HEATR5B: variants seen among roughly 807,000 people sequenced by gnomAD.
HEATR5B encodes HEAT repeat-containing protein 5B.
Under a neutral mutation model 224.1 loss-of-function variants are expected in HEATR5B, and 156 were observed. The observed-to-expected ratio is 0.70, with a 90% confidence interval of 0.61 to 0.80. The LOEUF (loss-of-function observed/expected upper bound fraction) is 0.80, where lower values mean the gene tolerates loss of function less well. Ranked by LOEUF, HEATR5B falls within the 30% of genes least tolerant of loss-of-function variation. The pLI is 0.00. For missense variants in HEATR5B, 2,323 were observed against 2,535.5 expected (o/e 0.92, Z 1.80); for synonymous variants, 1,027 against 893.0 (o/e 1.15, Z -2.68).
In HEATR5B at chr2:37,005,746, CTG is replaced by C; in HGVS notation, c.4789_4790del (p.Gln1597ValfsTer6). The C allele has an allele frequency of 1.3e-6, 2 of 1,591,592 alleles. No individual in the cohort carries two copies. The highest frequency in any genetic ancestry group is 1.7e-6 in the Non-Finnish European group (2 of 1,173,244). ...RMHLILGVSI[Q>X]FLCSPRPEEP... Reference sequence around the variant, plus strand: ...CCTCAGGTCTAGGGGAACAAAGAAACTGTATACTCACACCTGAAATGCACAAA... The same window carrying C: ...CCTCAGGTCTAGGGGAACAAAGAAACTATACTCACACCTGAAATGCACAAA... On this transcript the variant is annotated frameshift_variant, in exon 30 of 36. Coordinates refer to ENST00000233099, the MANE Select transcript of HEATR5B (RefSeq NM_019024.3). LOFTEE classifies it high-confidence loss of function.
In HEATR5B at chr2:37,077,391, C is replaced by G. The variant is rs552849051; in HGVS notation, c.339-372G>C. On this transcript the variant is annotated intron_variant, in intron 3 of 35. Transcript: ENST00000233099. The stretch of plus-strand genomic sequence containing the variant: ...TGGTGTGGTCCTGGTTCACTGCAAC[C>G]TCTGCCTCCTGGGTTCAAGCCATTC... 3.0e-3 allele frequency among the ~76,000 whole-genome samples: 460 copies of G among 152,230 alleles called. 1 individual carries two copies. The highest frequency in any genetic ancestry group is 5.3e-3 in the Non-Finnish European group (358 of 68,010).
intron 10 of HEATR5B, 141 bp from the exon 11 acceptor site, chr2:37,062,191 C>A (rs1001071040): frequency 3.7e-6 from 2 of 536,374 alleles, no homozygotes; most frequent in Non-Finnish European, 6.7e-6. Flanking sequence ...CTTTGGGAGG[C>A]TGAGGCAGGC....
chr2:37,057,403 G>A lies in HEATR5B; in HGVS notation c.2137C>T (p.Leu713Phe). 6.2e-7 allele frequency: 1 copy of A among 1,612,046 alleles called. No individual in the cohort carries two copies. Among genetic ancestry groups the A allele is most frequent in the South Asian group, 1.1e-5 (1 of 90,732 alleles). The change falls in exon 15 of 36, where the codon CTC (leucine) becomes TTC (phenylalanine). Residue 713 changes from leucine (L) to phenylalanine (F), a missense_variant. Transcript: ENST00000233099. Reference sequence around the variant, plus strand: ...TCATAATGGCAGAGGGATCTGAGGAGGGAAGTAGTTGTGTTGGCTGAGTTG... The same window carrying A: ...TCATAATGGCAGAGGGATCTGAGGAAGGAAGTAGTTGTGTTGGCTGAGTTG... ...TDNSANTTTS[L>F]LRSLCHYDDS...
At chr2:37,036,836 T>A (rs1210143684) in intron 21 of HEATR5B, among the ~76,000 whole-genome samples, 1 of 151,876 alleles carries the variant, frequency 6.6e-6, no homozygotes, top group East Asian at 1.9e-4. Flanking sequence ...TTAATGAAAA[T>A]CTTTTCTGAA....
chr2:37,043,051 T>C (rs1252754493), intron 18 of HEATR5B, among the ~76,000 whole-genome samples: 3 of 152,160 alleles, frequency 2.0e-5, no homozygotes, highest in East Asian at 1.9e-4. Flanking sequence ...ACAACATACA[T>C]ATCTCAACTG....
At chr2:37,064,616 A>G in intron 10 of HEATR5B, 124 bp downstream of exon 10, 1 of 886,510 alleles carries the variant, frequency 1.1e-6, no homozygotes, top group Non-Finnish European at 1.8e-6. Flanking sequence ...TAAGAACACT[A>G]TGTTTTATGA....
chr2:37,054,609 C>T lies in HEATR5B; in HGVS notation c.2400-1002G>A, dbSNP rs1195652092. On this transcript the variant is annotated intron_variant, in intron 16 of 35. Transcript: ENST00000233099. Reference sequence around the variant, plus strand: ...ATATGATTCTCCTGCCTCAGCCTCCCGAGTAGCTGGGACTACAGGTGTTCG... The same window carrying T: ...ATATGATTCTCCTGCCTCAGCCTCCTGAGTAGCTGGGACTACAGGTGTTCG... Among the ~76,000 whole-genome samples, 11 of 151,314 alleles carry T rather than the reference C, an allele frequency of 7.3e-5. No individual in the cohort carries two copies. The East Asian group carries it at 9.7e-4, about 13-fold the overall frequency.
chr2:37,013,966 G>A lies in HEATR5B; in HGVS notation c.4159C>T (p.Arg1387Ter), dbSNP rs761954262. The change falls in exon 27 of 36, where the codon CGA becomes TGA. Residue 1387 changes from arginine to a stop codon, truncating the protein, a stop_gained. Coordinates refer to ENST00000233099, the MANE Select transcript of HEATR5B (RefSeq NM_019024.3). LOFTEE classifies it high-confidence loss of function. ...GAAGAAACAAGAAGATTGTGTACTC[G>A]ACGGAGATCATTGAGATCACTGACA... ...GVVSDLNDLR[R>*]VHNLLVSSLD... The A allele has an allele frequency of 1.2e-6, 2 of 1,610,742 alleles. No homozygotes were observed. The highest frequency in any genetic ancestry group is 1.1e-5 in the South Asian group (1 of 90,434).
chr2:36,985,711 C>T (rs28429673), intron 35 of HEATR5B, among the ~76,000 whole-genome samples: 47,506 of 148,742 alleles, frequency 0.32, 8,181 homozygotes, highest in African/African-American at 0.39. Context: ...GTGATCCATC[C>T]GCTTTGGTCT....
chr2:37,027,302 T>G (rs1297820605), intron 24 of HEATR5B, among the ~76,000 whole-genome samples: 1 of 152,196 alleles, frequency 6.6e-6, no homozygotes, highest in Non-Finnish European at 1.5e-5. Flanking sequence ...TCTCAATTTC[T>G]CTGGGTCTCT....
At chr2:37,015,100 G>C (rs1168554414) in intron 26 of HEATR5B, among the ~76,000 whole-genome samples, 1 of 152,192 alleles carries the variant, frequency 6.6e-6, no homozygotes, top group African/African-American at 2.4e-5. Context: ...CTTAAAAACA[G>C]ACAAGGGAAA....
chr2:37,049,360 A>G (rs1044485286), intron 18 of HEATR5B, among the ~76,000 whole-genome samples: 1 of 152,232 alleles, frequency 6.6e-6, no homozygotes, highest in African/African-American at 2.4e-5. Context: ...GCACCTCTTC[A>G]GTGAATACAC....
chr2:36,996,613 CAG>C (rs1666733211), intron 33 of HEATR5B, among the ~76,000 whole-genome samples: 1 of 151,502 alleles, frequency 6.6e-6, no homozygotes, highest in South Asian at 2.1e-4. Flanking sequence ...TTTTTTGAGA[CAG>C]AGTTTTGCTC....
rs1292172730 is a variant in HEATR5B, at chr2:37,049,841, G to A, written c.2508C>T (p.Gly836=). 2.8e-5 allele frequency: 26 copies of A among 928,304 alleles called. No homozygotes were observed. The highest frequency in any genetic ancestry group is 8.7e-5 in the South Asian group (5 of 57,424). The allele number at this position is 928,304 out of a possible 1,614,324, so 57.5% of individuals were successfully genotyped here. ...CTAAAGTACTTTTGTTTTCAGCTAA[G>A]CCCTACATTAAAAAAAAAAAAAAAA... ...IFTAVLSALK[G]LAENKSTLGP... The change falls in exon 18 of 36, where the codon GGC becomes GGT. Residue 836 remains glycine, a splice_region_variant and synonymous_variant. Transcript: ENST00000233099.
chr2:36,993,541 TAAAA>T (rs1010348134), intron 33 of HEATR5B, among the ~76,000 whole-genome samples: 1 of 129,238 alleles, frequency 7.7e-6, no homozygotes, highest in African/African-American at 2.9e-5. Flanking sequence ...AGACTCTGTT[TAAAA>T]AAAAAAAAAA....
At chr2:36,983,569 C>A (rs912868838) in intron 35 of HEATR5B, among the ~76,000 whole-genome samples, 3 of 148,990 alleles carry the variant, frequency 2.0e-5, no homozygotes, top group African/African-American at 4.9e-5. Flanking sequence ...AACAAAAAAA[C>A]CCAAAAATAT....
At chr2:37,076,833 A>C (rs1321319804) in intron 4 of HEATR5B, 78 bp downstream of exon 4, 1 of 1,103,474 alleles carries the variant, frequency 9.1e-7, no homozygotes, top group Admixed American at 2.0e-5. Context: ...GTGACAGAAA[A>C]AGAAACAAAC....
intron 21 of HEATR5B, 92 bp from the exon 22 acceptor site, chr2:37,032,865 CAT>C (rs1468072801): frequency 4.2e-6 from 4 of 956,582 alleles, no homozygotes; most frequent in South Asian, 3.7e-5. Context: ...TACATACATA[CAT>C]ATATATGTTT....
intron 21 of HEATR5B, among the ~76,000 whole-genome samples, chr2:37,035,841 AAACT>A (rs920499639): frequency 6.6e-6 from 1 of 152,056 alleles, no homozygotes; most frequent in Non-Finnish European, 1.5e-5. Context: ...CAGGCCCATA[AAACT>A]AACTATCCAT....
Sources: gnomAD v4.1 joint callset for allele counts (sites outside exome capture counted in the v4.1 genomes callset) on GRCh38, gnomAD v4.1.1 for gene constraint, MANE v1.5 for transcripts, NCBI Gene and HGNC (gene_info 2026-07-23, HGNC 2026-07-21) for gene names.